Variants in NUP93 observed in about 807,000 individuals in gnomAD.
NUP93 encodes nucleoporin 93, also known as nuclear pore complex protein Nup93.
NUP93 carries 55 observed loss-of-function variants against 107.8 expected under a neutral mutation model. The observed-to-expected ratio is 0.51, with a 90% CI of 0.41 to 0.64. The LOEUF (loss-of-function observed/expected upper bound fraction) is 0.64. Ranked by LOEUF, NUP93 falls within the 30% of genes least tolerant of loss-of-function variation. The probability of loss-of-function intolerance (pLI) is 0.00; values close to 1 mark genes in which losing one functional copy is unlikely to be tolerated. For synonymous variants in NUP93, 390 were observed against 397.5 expected (o/e 0.98, Z 0.22); for missense variants, 937 against 1,044.7 (o/e 0.90, Z 1.42).
intron 16 of NUP93, among the ~76,000 whole-genome samples, chr16:56,835,111 T>G (rs754891134): frequency 3.9e-5 from 6 of 152,214 alleles, no homozygotes; most frequent in Non-Finnish European, 5.9e-5. Context: ...GGAAAAGAAA[T>G]TGATTACTGC....
intron 3 of NUP93, among the ~76,000 whole-genome samples, chr16:56,788,425 G>A (rs1404383770): frequency 1.3e-5 from 2 of 152,214 alleles, no homozygotes; most frequent in Non-Finnish European, 2.9e-5. Flanking sequence ...GTAGCATAGG[G>A]CTTTGCTGGA....
chr16:56,795,233 T>C (rs1347311727), intron 3 of NUP93, among the ~76,000 whole-genome samples: 2 of 152,142 alleles, frequency 1.3e-5, no homozygotes, highest in Non-Finnish European at 2.9e-5. Context: ...GCATTAGTCA[T>C]TGATAATAGT....
At chr16:56,758,882 A>C (rs1441886459) in intron 3 of NUP93, among the ~76,000 whole-genome samples, 1 of 152,210 alleles carries the variant, frequency 6.6e-6, no homozygotes. Flanking sequence ...TCCAACCTGC[A>C]CTTTTTAGAT....
Position 56,845,089 on chromosome 16 carries a change from A to G in NUP93, c.*480A>G, listed in dbSNP as rs1964100224. The G allele has an allele frequency of 4.7e-6, 1 of 211,526 alleles. No individual in the cohort carries two copies. Among genetic ancestry groups the G allele is most frequent in the Non-Finnish European group, 9.5e-6 (1 of 104,922 alleles). 13.1% of individuals were successfully genotyped at this position (211,526 alleles called of 1,614,324 possible). On this transcript the variant is annotated 3_prime_UTR_variant, in exon 22 of 22. Coordinates refer to ENST00000308159, the MANE Select transcript of NUP93 (RefSeq NM_014669.5). The stretch of plus-strand genomic sequence containing the variant: ...AAGATTTGTGTGTGAAATATCAAGC[A>G]CTCCATGTCCTCCTCTAGAGAGTGT...
chr16:56,841,937 C>G (rs951228459), intron 21 of NUP93, 104 bp downstream of exon 21: 119 of 1,384,958 alleles, frequency 8.6e-5, no homozygotes, highest in Admixed American at 2.2e-5. Context: ...GCTCTTTCTC[C>G]TCAGTACCTG....
intron 2 of NUP93, among the ~76,000 whole-genome samples, chr16:56,757,042 G>C (rs1374304881): frequency 6.6e-6 from 1 of 152,148 alleles, no homozygotes; most frequent in African/African-American, 2.4e-5. Context: ...CCCGGGGATG[G>C]CATCATAGTT....
chr16:56,802,054 A>G (rs1435248267), intron 4 of NUP93, among the ~76,000 whole-genome samples: 2 of 152,056 alleles, frequency 1.3e-5, no homozygotes, highest in African/African-American at 4.8e-5. Context: ...AAGACTTGCT[A>G]CACTTTGTGG....
chr16:56,843,615 C>T (rs752089392), intron 21 of NUP93, among the ~76,000 whole-genome samples: 35 of 152,290 alleles, frequency 2.3e-4, no homozygotes, highest in Middle Eastern at 3.4e-3. Context: ...GCTCATTTAA[C>T]GAGAGCCCTT....
chr16:56,790,954 A>T (rs1962748731), intron 3 of NUP93, among the ~76,000 whole-genome samples: 1 of 152,172 alleles, frequency 6.6e-6, no homozygotes, highest in South Asian at 2.1e-4. Context: ...AACAACAATG[A>T]CCATTCCTGA....
intron 9 of NUP93, among the ~76,000 whole-genome samples, chr16:56,830,025 G>A (rs981721372): frequency 2.0e-5 from 3 of 152,236 alleles, no homozygotes; most frequent in Non-Finnish European, 2.9e-5. Flanking sequence ...GAACGGAGCT[G>A]TCTCTCAGAT....
chr16:56,775,993 A>C (rs189028544), intron 3 of NUP93, among the ~76,000 whole-genome samples: 51 of 151,156 alleles, frequency 3.4e-4, no homozygotes, highest in African/African-American at 1.2e-3. Context: ...TACTCTGGTT[A>C]TTTTATATAT....
chr16:56,778,109 C>G (rs1287333519), intron 3 of NUP93, among the ~76,000 whole-genome samples: 5 of 152,170 alleles, frequency 3.3e-5, no homozygotes, highest in Non-Finnish European at 7.3e-5. Context: ...GACGGACAGA[C>G]TGAATGAGAG....
intron 1 of NUP93, among the ~76,000 whole-genome samples, chr16:56,744,468 T>C (rs1961790022): frequency 6.6e-6 from 1 of 152,122 alleles, no homozygotes; most frequent in South Asian, 2.1e-4. Context: ...ACAATGATGG[T>C]AACAAAAAAT....
chr16:56,740,367 G>C (rs1400925286), intron 1 of NUP93, among the ~76,000 whole-genome samples: 1 of 150,840 alleles, frequency 6.6e-6, no homozygotes, highest in East Asian at 1.9e-4. Flanking sequence ...CCGGGCAGAG[G>C]CGCTCCTCAC....
chr16:56,755,690 C>T (rs1016641999), intron 2 of NUP93, among the ~76,000 whole-genome samples: 1 of 152,056 alleles, frequency 6.6e-6, no homozygotes, highest in Non-Finnish European at 1.5e-5. Context: ...GCTTGGCCAA[C>T]ATGGAGAAAC....
intron 6 of NUP93, among the ~76,000 whole-genome samples, chr16:56,820,254 A>G (rs919618936): frequency 1.3e-5 from 2 of 152,252 alleles, no homozygotes; most frequent in South Asian, 4.1e-4. Context: ...AAGGCCTGTA[A>G]GAAATGCTCA....
At chr16:56,759,464 C>T (rs1464924787) in intron 3 of NUP93, among the ~76,000 whole-genome samples, 1 of 152,166 alleles carries the variant, frequency 6.6e-6, no homozygotes, top group Non-Finnish European at 1.5e-5. Context: ...CCATTTTAGT[C>T]CATCTAATGG....
At chr16:56,833,846 T>C (rs1230586931) in intron 13 of NUP93, among the ~76,000 whole-genome samples, 1 of 152,100 alleles carries the variant, frequency 6.6e-6, no homozygotes, top group African/African-American at 2.4e-5. Context: ...TGCAGCAAAG[T>C]CATCCCAGAG....
intron 3 of NUP93, chr16:56,782,056 T>C: frequency 1.0e-6 from 1 of 985,540 alleles, no homozygotes; most frequent in Non-Finnish European, 1.2e-6. Context: ...CTTCTCTCTG[T>C]CCTTCTCCCC....
Sources: allele counts gnomAD v4.1 joint callset (sites outside exome capture counted in the v4.1 genomes callset), GRCh38; gene constraint gnomAD v4.1.1; transcripts MANE v1.5; gene names NCBI Gene and HGNC (gene_info 2026-07-23, HGNC 2026-07-21).